The following SLC35F3 variants were observed in gnomAD, a reference collection of about 807,000 sequenced individuals.
The protein encoded by SLC35F3 is solute carrier family 35 member F3.
A neutral mutation model predicts 49.9 loss-of-function variants in SLC35F3; 25 were observed. The ratio of observed to expected loss-of-function variants is 0.50; its 90% CI spans 0.37 to 0.70. The LOEUF (loss-of-function observed/expected upper bound fraction) is 0.70, where lower values mean the gene tolerates loss of function less well. Among genes scored for constraint, SLC35F3 ranks in the 30% least tolerant of loss-of-function variants. The pLI is 0.00. For synonymous variants in SLC35F3, 275 were observed against 265.4 expected (o/e 1.04, Z -0.35); for missense variants, 525 against 639.8 (o/e 0.82, Z 1.94).
At chr1:234,302,076 G>A (rs1454432331) in intron 3 of SLC35F3, among the ~76,000 whole-genome samples, 4 of 152,096 alleles carry the variant, frequency 2.6e-5, no homozygotes, top group Non-Finnish European at 5.9e-5. Context: ...GAGAGGACGG[G>A]TCAATAGGTG....
At chr1:234,143,462 G>T (rs901958434) in intron 2 of SLC35F3, among the ~76,000 whole-genome samples, 1 of 151,734 alleles carries the variant, frequency 6.6e-6, no homozygotes, top group Admixed American at 6.6e-5. Flanking sequence ...CTAATTTTTT[G>T]TATTTTTAGT....
intron 2 of SLC35F3, among the ~76,000 whole-genome samples, chr1:234,105,430 A>G (rs1665272291): frequency 6.6e-6 from 1 of 152,152 alleles, no homozygotes; most frequent in Admixed American, 6.5e-5. Context: ...CTATGGGTCA[A>G]TAGGTGTTCT....
intron 2 of SLC35F3, among the ~76,000 whole-genome samples, chr1:234,089,543 G>A (rs1665010071): frequency 6.6e-6 from 1 of 152,216 alleles, no homozygotes; most frequent in East Asian, 1.9e-4. Context: ...GGCAAATGCA[G>A]GACAGCAAAG....
At chr1:234,230,849 G>A (rs1346395070) in intron 2 of SLC35F3, among the ~76,000 whole-genome samples, 1 of 152,186 alleles carries the variant, frequency 6.6e-6, no homozygotes, top group Non-Finnish European at 1.5e-5. Context: ...TTTGCTGTAC[G>A]TACAAAATAA....
chr1:234,260,081 T>C (rs1572120609), intron 3 of SLC35F3, among the ~76,000 whole-genome samples: 1 of 151,920 alleles, frequency 6.6e-6, no homozygotes, highest in Admixed American at 6.6e-5. Context: ...AATGAATAGG[T>C]TTTTAAATCT....
intron 2 of SLC35F3, among the ~76,000 whole-genome samples, chr1:234,175,464 G>A (rs542228143): frequency 4.6e-5 from 7 of 152,236 alleles, no homozygotes; most frequent in African/African-American, 1.7e-4. Flanking sequence ...AATCTCCCAT[G>A]TATTGGAAGA....
chr1:234,137,069 G>A (rs770369848), intron 2 of SLC35F3, among the ~76,000 whole-genome samples: 23 of 152,228 alleles, frequency 1.5e-4, no homozygotes, highest in Non-Finnish European at 2.5e-4. Context: ...TTAGGGACTG[G>A]AAGCACCATG....
chr1:233,962,728 T>G (rs1055468257), intron 2 of SLC35F3, among the ~76,000 whole-genome samples: 1 of 152,230 alleles, frequency 6.6e-6, no homozygotes, highest in African/African-American at 2.4e-5. Context: ...TAATTCCTAA[T>G]TGAGCATATA....
intron 2 of SLC35F3, among the ~76,000 whole-genome samples, chr1:234,072,751 G>A (rs1034372170): frequency 1.7e-4 from 26 of 152,254 alleles, no homozygotes; most frequent in Middle Eastern, 3.4e-3. Flanking sequence ...AAATGGCTGC[G>A]GCCTATGAGT....
chr1:233,976,411 T>C (rs1663080629), intron 2 of SLC35F3, among the ~76,000 whole-genome samples: 1 of 152,216 alleles, frequency 6.6e-6, no homozygotes, highest in Admixed American at 6.5e-5. Flanking sequence ...AGATCTCCCA[T>C]ATATCCAGCA....
chr1:234,035,029 T>C (rs1664120822), intron 2 of SLC35F3, among the ~76,000 whole-genome samples: 1 of 152,180 alleles, frequency 6.6e-6, no homozygotes. Context: ...GGTAAATCTT[T>C]TCCAGAGTTT....
chr1:233,929,633 G>T (rs1662211631), intron 2 of SLC35F3, among the ~76,000 whole-genome samples: 1 of 152,140 alleles, frequency 6.6e-6, no homozygotes, highest in African/African-American at 2.4e-5. Flanking sequence ...TGGATTGAGT[G>T]TTTGCATTTC....
intron 3 of SLC35F3, among the ~76,000 whole-genome samples, chr1:234,292,627 TG>T (rs779807093): frequency 9.2e-5 from 14 of 152,302 alleles, no homozygotes; most frequent in East Asian, 1.9e-4. Flanking sequence ...CACCCCCAAA[TG>T]TTCTGTCTTG....
intron 2 of SLC35F3, among the ~76,000 whole-genome samples, chr1:234,040,658 C>A (rs1189875406): frequency 1.3e-5 from 2 of 152,200 alleles, no homozygotes; most frequent in African/African-American, 4.8e-5. Flanking sequence ...CACAGAGCCT[C>A]ATGATTATGG....
intron 3 of SLC35F3, among the ~76,000 whole-genome samples, chr1:234,278,150 G>A (rs1014671853): frequency 2.6e-5 from 4 of 151,874 alleles, no homozygotes; most frequent in African/African-American, 7.2e-5. Context: ...CCACGATCAC[G>A]CCACTGCACT....
At chr1:233,944,694 T>G (rs539485735) in intron 2 of SLC35F3, among the ~76,000 whole-genome samples, 66 of 152,304 alleles carry the variant, frequency 4.3e-4, no homozygotes, top group African/African-American at 1.6e-3. Flanking sequence ...GATAAATGTT[T>G]CTGGTATGAA....
chr1:234,047,865 G>A (rs1406173207), intron 2 of SLC35F3, among the ~76,000 whole-genome samples: 1 of 152,118 alleles, frequency 6.6e-6, no homozygotes, highest in Admixed American at 6.5e-5. Flanking sequence ...TCTGGTGAGG[G>A]CTCAGAAAGG....
chr1:234,318,165 C>G (rs1356793463), intron 5 of SLC35F3, among the ~76,000 whole-genome samples: 1 of 152,194 alleles, frequency 6.6e-6, no homozygotes, highest in Non-Finnish European at 1.5e-5. Flanking sequence ...CTGGCCACTC[C>G]CATCACATTC....
chr1:234,253,743 G>A lies in SLC35F3; in HGVS notation c.608+22002G>A, dbSNP rs1667774527. Reference sequence around the variant, plus strand: ...TTTTTAAAAGCATGTATAGAAAATGGACAGAGAGGCACATACCCAAGGCTG... The same window carrying A: ...TTTTTAAAAGCATGTATAGAAAATGAACAGAGAGGCACATACCCAAGGCTG... On this transcript the variant is annotated intron_variant, in intron 3 of 7. Coordinates refer to ENST00000366618, the MANE Select transcript of SLC35F3 (RefSeq NM_173508.4). 4.6e-5 allele frequency among the ~76,000 whole-genome samples: 7 copies of A among 152,200 alleles called. No individual in the cohort carries two copies. In the South Asian group the frequency reaches 6.2e-4, roughly 14 times the overall value.
Sources: allele counts gnomAD v4.1 joint callset (sites outside exome capture counted in the v4.1 genomes callset), GRCh38; gene constraint gnomAD v4.1.1; transcripts MANE v1.5; gene names NCBI Gene and HGNC (gene_info 2026-07-23, HGNC 2026-07-21).